The following STT3B variants were observed in gnomAD, a reference collection of about 807,000 sequenced individuals.
STT3B encodes the protein STT3 oligosaccharyltransferase complex catalytic subunit B.
STT3B carries 29 observed loss-of-function variants against 96.8 expected under a neutral mutation model. The observed-to-expected ratio is 0.30, with a 90% CI of 0.22 to 0.41. The LOEUF (loss-of-function observed/expected upper bound fraction) is 0.41. Among genes scored for constraint, STT3B ranks in the 10% least tolerant of loss-of-function variants. STT3B has a pLI of 1.00. For missense variants in STT3B, 640 were observed against 1,022.3 expected (o/e 0.63, Z 5.10); for synonymous variants, 367 against 360.0 (o/e 1.02, Z -0.22).
At chr3:31,626,168 A>C in intron 13 of STT3B, 41 bp downstream of exon 13, 5,804 of 1,502,768 alleles carry the variant, frequency 3.9e-3, no homozygotes, top group Non-Finnish European at 4.9e-3. Context: ...AAGATAGCTC[A>C]CTGTGTCCTC....
intron 5 of STT3B, among the ~76,000 whole-genome samples, chr3:31,607,014 C>T (rs897816796): frequency 2.0e-5 from 3 of 152,142 alleles, no homozygotes; most frequent in Non-Finnish European, 4.4e-5. Flanking sequence ...TTTGACTGCC[C>T]TGCTGGATTT....
At chr3:31,606,020 G>A (rs1391169289) in intron 5 of STT3B, among the ~76,000 whole-genome samples, 1 of 152,190 alleles carries the variant, frequency 6.6e-6, no homozygotes, top group Non-Finnish European at 1.5e-5. Flanking sequence ...ACAAAGAGAT[G>A]GGTGGCATTT....
chr3:31,632,870 A>G (rs944479764), intron 14 of STT3B, 65 bp from the exon 15 acceptor site: 117 of 1,355,322 alleles, frequency 8.6e-5, no homozygotes, highest in Non-Finnish European at 1.8e-5. Flanking sequence ...GATAACACTT[A>G]CTGTCTTATA....
Position 31,616,979 on chromosome 3 carries a change from C to T in STT3B, c.1027C>T (p.Arg343Ter). Residue 343 changes from arginine to a stop codon, truncating the protein, a stop_gained, in exon 7 of 16, where the codon CGA (arginine) becomes TGA (stop). Coordinates refer to ENST00000295770, the MANE Select transcript of STT3B (RefSeq NM_178862.3). LOFTEE classifies it high-confidence loss of function. ...AYAFLQYLRDRLTKQEFQTLF... is the reference protein window; with the variant it reads ...AYAFLQYLRD ...TGCTTTCTTGCAGTATCTGAGAGAC[C>T]GATTAACAAAACAAGAGTTCCAGAC... 6.2e-7 allele frequency: 1 copy of T among 1,612,118 alleles called. No individual in the cohort carries two copies. Among genetic ancestry groups the T allele is most frequent in the Non-Finnish European group, 8.5e-7 (1 of 1,178,534 alleles).
Position 31,576,937 on chromosome 3 carries a change from C to G in STT3B, c.423+433C>G, listed in dbSNP as rs1221120180. On this transcript the variant is annotated intron_variant, in intron 2 of 15. Coordinates refer to ENST00000295770, the MANE Select transcript of STT3B (RefSeq NM_178862.3). ...GAATATGGAGACATTCCAAATTATT[C>G]CAGGTAATTGACTAAAGATTATAGT... Among the ~76,000 whole-genome samples the G allele has an allele frequency of 9.2e-5, 14 of 152,060 alleles. No individual in the cohort carries two copies. In the East Asian group the frequency reaches 2.5e-3, roughly 27 times the overall value.
chr3:31,550,769 G>A lies in STT3B; in HGVS notation c.314+17457G>A, dbSNP rs149759510. On this transcript the variant is annotated intron_variant, in intron 1 of 15. Coordinates refer to ENST00000295770, the MANE Select transcript of STT3B (RefSeq NM_178862.3). ...GTATCACTTGGTGAGATTGAATTTA[G>A]GCTGTTTTTTTCGTTCTATTGAAGG... Among the ~76,000 whole-genome samples the A allele has an allele frequency of 7.1e-3, 1,074 of 152,042 alleles. 12 individuals carry two copies. Among genetic ancestry groups the A allele is most frequent in the African/African-American group, 0.024 (992 of 41,456 alleles).
chr3:31,596,753 A>G, intron 3 of STT3B, 45 bp from the exon 4 acceptor site: 2 of 1,450,862 alleles, frequency 1.4e-6, no homozygotes, highest in South Asian at 2.4e-5. Context: ...TTCCGCAAGA[A>G]CATTTGTAAA....
At chr3:31,566,814 G>A (rs758514421) in intron 1 of STT3B, among the ~76,000 whole-genome samples, 7 of 152,076 alleles carry the variant, frequency 4.6e-5, no homozygotes, top group Non-Finnish European at 8.8e-5. Context: ...TACCTGGTTT[G>A]TGTTTATTGT....
chr3:31,604,385 A>T (rs571509749), intron 5 of STT3B, among the ~76,000 whole-genome samples: 4 of 152,298 alleles, frequency 2.6e-5, no homozygotes, highest in Admixed American at 2.0e-4. Context: ...AACACAGCTA[A>T]TGCTAGTTTA....
chr3:31,550,777 T>A (rs1259123276), intron 1 of STT3B, among the ~76,000 whole-genome samples: 1 of 152,198 alleles, frequency 6.6e-6, no homozygotes. Context: ...TAGGCTGTTT[T>A]TTTCGTTCTA....
At chr3:31,540,467 C>T (rs1390660274) in intron 1 of STT3B, among the ~76,000 whole-genome samples, 1 of 151,948 alleles carries the variant, frequency 6.6e-6, no homozygotes, top group Non-Finnish European at 1.5e-5. Context: ...GTTTTCTTTT[C>T]TTTTTTGTTT....
chr3:31,612,413 G>A (rs987682055), intron 5 of STT3B, among the ~76,000 whole-genome samples: 21 of 152,206 alleles, frequency 1.4e-4, no homozygotes, highest in African/African-American at 4.8e-4. Context: ...ATTGGTGCTG[G>A]TAAGTGGGTA....
chr3:31,538,935 G>A (rs1697165021), intron 1 of STT3B, among the ~76,000 whole-genome samples: 1 of 152,062 alleles, frequency 6.6e-6, no homozygotes, highest in African/African-American at 2.4e-5. Flanking sequence ...AATACTGTAG[G>A]GTTTTTTGTT....
Position 31,632,961 on chromosome 3 carries a change from T to G in STT3B, c.2214T>G (p.Phe738Leu). 1 of 1,614,128 alleles carries G rather than the reference T, an allele frequency of 6.2e-7. No individual in the cohort carries two copies. The highest frequency in any genetic ancestry group is 8.5e-7 in the Non-Finnish European group (1 of 1,179,980). The change falls in exon 15 of 16, where the codon TTT (phenylalanine) becomes TTG (leucine). Residue 738 changes from phenylalanine to leucine, a missense_variant. Around this residue, in one of 8 missense-constraint regions of STT3B, gnomAD observed 40 missense variants for 122.2 expected, o/e 0.33. Coordinates refer to ENST00000295770, the MANE Select transcript of STT3B (RefSeq NM_178862.3). ...MQLDFRTPPGFDRTRNAEIGN... is the reference protein window; with the variant it reads ...MQLDFRTPPGLDRTRNAEIGN... ...TGGATTTTCGTACACCCCCAGGTTT[T>G]GACCGAACACGTAATGCTGAGATTG... is the stretch of plus-strand genomic sequence containing the variant.
intron 3 of STT3B, among the ~76,000 whole-genome samples, chr3:31,590,512 C>T (rs1016858572): frequency 6.6e-6 from 1 of 151,856 alleles, no homozygotes; most frequent in African/African-American, 2.4e-5. Context: ...GAATATTCTT[C>T]GAATTCATAG....
chr3:31,616,656 A>G (rs894638617), intron 6 of STT3B, among the ~76,000 whole-genome samples: 2 of 151,834 alleles, frequency 1.3e-5, no homozygotes, highest in African/African-American at 4.8e-5. Flanking sequence ...AATGTGTTAA[A>G]TAGGCTTGTT....
At chr3:31,552,243 T>C (rs970791567) in intron 1 of STT3B, among the ~76,000 whole-genome samples, 1 of 152,228 alleles carries the variant, frequency 6.6e-6, no homozygotes, top group Non-Finnish European at 1.5e-5. Context: ...TCTCTGAATG[T>C]TACTACCTAA....
At chr3:31,596,771 A>G (rs569751622) in intron 3 of STT3B, 27 bp from the exon 4 acceptor site, 66 of 1,549,526 alleles carry the variant, frequency 4.3e-5, no homozygotes, top group South Asian at 1.1e-4. Flanking sequence ...AAACATTTTT[A>G]TTATATCAGT....
At chr3:31,633,812 G>A (rs1040104412) in intron 15 of STT3B, among the ~76,000 whole-genome samples, 3 of 152,020 alleles carry the variant, frequency 2.0e-5, no homozygotes, top group African/African-American at 7.2e-5. Context: ...GTAGGAAATG[G>A]GAAGTAATGA....
Sources: allele counts gnomAD v4.1 joint callset (sites outside exome capture counted in the v4.1 genomes callset), GRCh38; gene constraint gnomAD v4.1.1; regional missense constraint gnomAD v4.1.1; transcripts MANE v1.5; gene names NCBI Gene and HGNC (gene_info 2026-07-23, HGNC 2026-07-21).